PTPRG: variants seen among roughly 807,000 people sequenced by gnomAD.
PTPRG encodes protein tyrosine phosphatase receptor type G, also known as receptor-type tyrosine-protein phosphatase gamma.
Under a neutral mutation model 165.3 loss-of-function variants are expected in PTPRG, and 102 were observed. The ratio of observed to expected loss-of-function variants is 0.62; its 90% CI spans 0.53 to 0.73. The LOEUF (loss-of-function observed/expected upper bound fraction) is 0.73. Ranked by LOEUF, PTPRG falls within the 30% of genes least tolerant of loss-of-function variation. PTPRG has a pLI of 0.00. For synonymous variants in PTPRG, 675 were observed against 669.5 expected (o/e 1.01, Z -0.13); for missense variants, 1,866 against 1,861.4 (o/e 1.00, Z -0.05).
chr3:62,021,615 G>A (rs2041693209), intron 4 of PTPRG, among the ~76,000 whole-genome samples: 3 of 152,154 alleles, frequency 2.0e-5, no homozygotes, highest in South Asian at 2.1e-4. Context: ...CAAAGTGGAA[G>A]TTCTTTGTGT....
intron 2 of PTPRG, among the ~76,000 whole-genome samples, chr3:61,860,326 T>G (rs2037225796): frequency 6.6e-6 from 1 of 151,046 alleles, no homozygotes; most frequent in South Asian, 2.1e-4. Context: ...GACCCTTACA[T>G]GCTTCCTTCC....
At chr3:61,969,222 A>C (rs1351034693) in intron 2 of PTPRG, among the ~76,000 whole-genome samples, 2 of 152,206 alleles carry the variant, frequency 1.3e-5, no homozygotes, top group African/African-American at 2.4e-5. Flanking sequence ...ACAGGTGTGC[A>C]CATGACAATG....
At chr3:62,067,817 G>A (rs572113627) in intron 4 of PTPRG, among the ~76,000 whole-genome samples, 3 of 152,240 alleles carry the variant, frequency 2.0e-5, no homozygotes, top group Middle Eastern at 3.4e-3. Context: ...ACAGATGAGG[G>A]GGTTAGGGAC....
intron 28 of PTPRG, among the ~76,000 whole-genome samples, chr3:62,285,535 G>T (rs567531242): frequency 5.9e-4 from 78 of 131,956 alleles, no homozygotes; most frequent in Admixed American, 8.4e-4. Flanking sequence ...GGGGGGGGGG[G>T]GTCTCAGGTG....
intron 1 of PTPRG, among the ~76,000 whole-genome samples, chr3:61,693,376 T>C (rs2030350400): frequency 6.6e-6 from 1 of 152,240 alleles, no homozygotes; most frequent in Non-Finnish European, 1.5e-5. Context: ...ACGATATTCC[T>C]TTTTTCTAAT....
chr3:61,799,027 A>T (rs73084076), intron 2 of PTPRG, among the ~76,000 whole-genome samples: 6,963 of 151,576 alleles, frequency 0.046, 288 homozygotes, highest in East Asian at 0.21. Context: ...AACATTAAAA[A>T]TTTTTTTTTA....
In PTPRG at chr3:62,060,355, T is replaced by TA. The variant is rs201341583; in HGVS notation, c.520-17807dup. 9.8e-5 allele frequency among the ~76,000 whole-genome samples: 15 copies of TA among 152,324 alleles called. No individual in the cohort carries two copies. The East Asian group carries it at 2.7e-3, about 27-fold the overall frequency. On this transcript the variant is annotated intron_variant, in intron 4 of 29. Transcript: ENST00000474889. The stretch of plus-strand genomic sequence containing the variant: ...TCATTTAATGGCTACTGGCTACTGT[T>TA]ACACTTCCTGCAAGCAGTAATAGGT...
chr3:61,934,420 G>T (rs545984163), intron 2 of PTPRG, among the ~76,000 whole-genome samples: 1 of 151,810 alleles, frequency 6.6e-6, no homozygotes, highest in Non-Finnish European at 1.5e-5. Flanking sequence ...CTGTTTTTCT[G>T]CTGTAACAAT....
In PTPRG at chr3:62,217,116, C is replaced by T. The variant is rs377646767; in HGVS notation, c.2156-1735C>T. 1.3e-3 allele frequency among the ~76,000 whole-genome samples: 205 copies of T among 152,324 alleles called. 2 individuals carry two copies. Among genetic ancestry groups the T allele is most frequent in the African/African-American group, 4.7e-3 (195 of 41,572 alleles). On this transcript the variant is annotated intron_variant, in intron 12 of 29. Coordinates refer to ENST00000474889, the MANE Select transcript of PTPRG (RefSeq NM_002841.4). The surrounding 1 kb of genome is among the most constrained non-coding windows in gnomAD (Gnocchi z 4.3). ...ATGTACTGATGTGTCCCCATCCCCT[C>T]GCACCAGGCCTGTGCACAGTAGGGG...
intron 1 of PTPRG, among the ~76,000 whole-genome samples, chr3:61,650,290 G>A (rs1444315361): frequency 6.6e-6 from 1 of 152,216 alleles, no homozygotes; most frequent in Non-Finnish European, 1.5e-5. Context: ...AATGTTGAAT[G>A]CCAGCGAGGT....
Position 62,275,924 on chromosome 3 carries a change from G to C in PTPRG, c.3517G>C (p.Glu1173Gln). Residue 1173 changes from glutamate (E) to glutamine (Q), a missense_variant, in exon 24 of 30, where the codon GAG (glutamate) becomes CAG (glutamine). This residue lies in a region of PTPRG where 1,452 missense variants were observed against 1,463.0 expected (regional missense o/e 0.99). Coordinates refer to ENST00000474889, the MANE Select transcript of PTPRG (RefSeq NM_002841.4). Reference sequence around the variant, plus strand: ...TGTGGAATGTTTCAGTGCTCAGAAAGAGTGTAACAAAGAAAAGAACAGAAA... The same window carrying C: ...TGTGGAATGTTTCAGTGCTCAGAAACAGTGTAACAAAGAAAAGAACAGAAA... ...KYVECFSAQK[E>Q]CNKEKNRNSS... The C allele has an allele frequency of 1.2e-6, 2 of 1,612,090 alleles. No individual in the cohort carries two copies. Among genetic ancestry groups the C allele is most frequent in the South Asian group, 1.1e-5 (1 of 90,842 alleles).
chr3:61,905,844 C>A (rs1377924406), intron 2 of PTPRG, among the ~76,000 whole-genome samples: 1 of 152,168 alleles, frequency 6.6e-6, no homozygotes, highest in Non-Finnish European at 1.5e-5. Flanking sequence ...ATTTAACTTC[C>A]CAAAATACTT....
Position 61,880,025 on chromosome 3 carries a change from G to A in PTPRG, c.191-109600G>A, listed in dbSNP as rs200999551. Among the ~76,000 whole-genome samples, 15 of 152,294 alleles carry A rather than the reference G, an allele frequency of 9.8e-5. No homozygotes were observed. In the East Asian group the frequency reaches 2.7e-3, roughly 27 times the overall value. ...TGACCTAGTGATGGTTCCTTTGACA[G>A]GTCCCTTTGTATGCAGCTTTACTGC... On this transcript the variant is annotated intron_variant, in intron 2 of 29. Coordinates refer to ENST00000474889, the MANE Select transcript of PTPRG (RefSeq NM_002841.4).
chr3:62,292,426 G>A lies in PTPRG; in HGVS notation c.4061G>A (p.Gly1354Glu). ...CTTTTTTTTTTCTCCCCCAGGTATG[G>A]AGCAGTTTCAGCAGGAATGTTATGT... The part of the protein sequence containing the change: ...DGPTIVHDEY[G>E]AVSAGMLCAL... The change falls in exon 29 of 30, where the codon GGA becomes GAA. Residue 1354 changes from glycine to glutamate, a missense_variant. Coordinates refer to ENST00000474889, the MANE Select transcript of PTPRG (RefSeq NM_002841.4). 6.2e-7 allele frequency: 1 copy of A among 1,611,506 alleles called. No homozygotes were observed. Among genetic ancestry groups the A allele is most frequent in the Non-Finnish European group, 8.5e-7 (1 of 1,178,960 alleles).
At chr3:62,016,993 T>C (rs965122721) in intron 4 of PTPRG, among the ~76,000 whole-genome samples, 1 of 152,228 alleles carries the variant, frequency 6.6e-6, no homozygotes, top group Non-Finnish European at 1.5e-5. Context: ...TATTTACTTA[T>C]TGATTTCTTT....
At chr3:62,081,803 T>G (rs1291899849) in intron 5 of PTPRG, among the ~76,000 whole-genome samples, 1 of 152,242 alleles carries the variant, frequency 6.6e-6, no homozygotes, top group Non-Finnish European at 1.5e-5. Flanking sequence ...TTTGAGAGTT[T>G]GATATTTCTT....
At chr3:61,943,542 C>T (rs1197364448) in intron 2 of PTPRG, among the ~76,000 whole-genome samples, 1 of 152,188 alleles carries the variant, frequency 6.6e-6, no homozygotes, top group African/African-American at 2.4e-5. Context: ...CGCGCCACTG[C>T]ACTCCAGCCT....
intron 10 of PTPRG, among the ~76,000 whole-genome samples, chr3:62,197,999 CT>C (rs1336963808): frequency 6.6e-6 from 1 of 152,062 alleles, no homozygotes; most frequent in Non-Finnish European, 1.5e-5. Flanking sequence ...AAGATATCTC[CT>C]TTTTCAGAAT....
Position 61,599,183 on chromosome 3 carries a change from C to T in PTPRG, c.85+36811C>T, listed in dbSNP as rs553398309. On this transcript the variant is annotated intron_variant, in intron 1 of 29. Transcript: ENST00000474889. Reference sequence around the variant, plus strand: ...TTAACTAATGATAGTCTTGCCCTGTCGCCCAGGCTGGAGTGCAGTGCAATG... The same window carrying T: ...TTAACTAATGATAGTCTTGCCCTGTTGCCCAGGCTGGAGTGCAGTGCAATG... Among the ~76,000 whole-genome samples, 74 of 152,298 alleles carry T rather than the reference C, an allele frequency of 4.9e-4. 5 individuals are homozygous for T. In the South Asian group the frequency reaches 0.015, roughly 30 times the overall value.
Sources: allele counts gnomAD v4.1 joint callset (sites outside exome capture counted in the v4.1 genomes callset), GRCh38; gene constraint gnomAD v4.1.1; regional missense constraint gnomAD v4.1.1; non-coding constraint Gnocchi (gnomAD v3.1); transcripts MANE v1.5; gene names NCBI Gene and HGNC (gene_info 2026-07-23, HGNC 2026-07-21).